The following CPNE4 variants were observed in gnomAD, a reference collection of about 807,000 sequenced individuals.
CPNE4 encodes the protein copine 4, also known as copine-4.
CPNE4 carries 25 observed loss-of-function variants against 67.9 expected under a neutral mutation model. The observed-to-expected ratio is 0.37, with a 90% CI of 0.27 to 0.51. CPNE4 has a LOEUF of 0.51. Ranked by LOEUF, CPNE4 falls within the 20% of genes least tolerant of loss-of-function variation. The pLI is 0.93. For synonymous variants in CPNE4, 242 were observed against 244.9 expected (o/e 0.99, Z 0.11); for missense variants, 464 against 690.8 (o/e 0.67, Z 3.68).
chr3:131,986,732 T>C (rs1223168957), intron 1 of CPNE4, among the ~76,000 whole-genome samples: 3 of 148,164 alleles, frequency 2.0e-5, no homozygotes, highest in Non-Finnish European at 3.0e-5. Flanking sequence ...CAGTCTCTAC[T>C]AAAAATATAA....
chr3:131,854,796 C>CCCT (rs1014908960), intron 2 of CPNE4, among the ~76,000 whole-genome samples: 4 of 151,000 alleles, frequency 2.6e-5, no homozygotes, highest in African/African-American at 4.9e-5. Flanking sequence ...TTACTCCCCA[C>CCCT]CCTCCTCCTC....
At chr3:131,911,567 G>GTGTT (rs1210378538) in intron 1 of CPNE4, among the ~76,000 whole-genome samples, 19 of 151,780 alleles carry the variant, frequency 1.3e-4, no homozygotes, top group African/African-American at 4.3e-4. Flanking sequence ...GTGTGTGTGT[G>GTGTT]TGTGTGTGTG....
At chr3:131,914,868 C>T (rs1043024104) in intron 1 of CPNE4, among the ~76,000 whole-genome samples, 1 of 152,024 alleles carries the variant, frequency 6.6e-6, no homozygotes, top group Non-Finnish European at 1.5e-5. Context: ...CCCAGCTACT[C>T]AGGGGGCTGA....
chr3:131,820,476 G>C (rs1440109319), intron 2 of CPNE4, among the ~76,000 whole-genome samples: 1 of 152,212 alleles, frequency 6.6e-6, no homozygotes, highest in Non-Finnish European at 1.5e-5. Context: ...TCCTTGCAGG[G>C]GCTGCCAGTT....
intron 7 of CPNE4, among the ~76,000 whole-genome samples, chr3:131,650,744 C>CAAAAAAAAAAAAAAAAAAAAAA (rs141219633): frequency 1.6e-5 from 1 of 61,196 alleles, no homozygotes; most frequent in Non-Finnish European, 2.6e-5. Flanking sequence ...GACTCCGTCT[C>CAAAAAAAAAAAAAAAAAAAAAA]AAAAAAAAAA....
intron 4 of CPNE4, among the ~76,000 whole-genome samples, chr3:131,699,214 C>T (rs1454580624): frequency 1.3e-5 from 2 of 152,180 alleles, no homozygotes; most frequent in Non-Finnish European, 2.9e-5. Flanking sequence ...TCTAGCATTA[C>T]CCAATAGAAC....
intron 2 of CPNE4, among the ~76,000 whole-genome samples, chr3:131,851,562 T>C (rs1440988793): frequency 6.6e-6 from 1 of 152,012 alleles, no homozygotes; most frequent in Admixed American, 6.6e-5. Flanking sequence ...CAGACCGGTG[T>C]AACAAATTTT....
At chr3:131,887,478 G>A (rs2087943129) in intron 2 of CPNE4, among the ~76,000 whole-genome samples, 1 of 152,174 alleles carries the variant, frequency 6.6e-6, no homozygotes. Flanking sequence ...TCTGTAGAAT[G>A]GCAATGAAAA....
chr3:131,571,433 C>T (rs1937331572), intron 10 of CPNE4, among the ~76,000 whole-genome samples: 1 of 152,048 alleles, frequency 6.6e-6, no homozygotes, highest in South Asian at 2.1e-4. Context: ...CACTGGGATA[C>T]CTGAAAGTAC....
intron 1 of CPNE4, among the ~76,000 whole-genome samples, chr3:131,919,251 A>G (rs1030056934): frequency 1.3e-5 from 2 of 152,196 alleles, no homozygotes; most frequent in Admixed American, 1.3e-4. Flanking sequence ...TGCCAGCTGG[A>G]TAGATTTCTT....
intron 1 of CPNE4, among the ~76,000 whole-genome samples, chr3:132,001,626 GGAA>G (rs1362390314): frequency 1.4e-5 from 2 of 143,874 alleles, no homozygotes; most frequent in African/African-American, 5.1e-5. Flanking sequence ...AAAATGAAGA[GGAA>G]GAGGAGAAAA....
chr3:131,553,923 C>T (rs1213966336), intron 12 of CPNE4, among the ~76,000 whole-genome samples: 1 of 152,036 alleles, frequency 6.6e-6, no homozygotes, highest in Admixed American at 6.6e-5. Context: ...CCTATTGAAA[C>T]AAGAATAACC....
In CPNE4 at chr3:131,863,435, C is replaced by T. The variant is rs540729938; in HGVS notation, c.180+41829G>A. Among the ~76,000 whole-genome samples, 13 of 152,308 alleles carry T rather than the reference C, an allele frequency of 8.5e-5. No individual in the cohort carries two copies. In the East Asian group the frequency reaches 1.7e-3, roughly 20 times the overall value. On this transcript the variant is annotated intron_variant, in intron 2 of 15. Transcript: ENST00000429747. ...ATGAGATGGTATCTCACTATGGTTT[C>T]GATTTGCATTTCTCTGATGGCCAGT...
At chr3:131,879,920 CT>C (rs1171331354) in intron 2 of CPNE4, among the ~76,000 whole-genome samples, 1 of 152,090 alleles carries the variant, frequency 6.6e-6, no homozygotes, top group African/African-American at 2.4e-5. Context: ...GTAATATCTT[CT>C]CTATAAAAAT....
At chr3:131,637,879 T>G (rs1157544000) in intron 7 of CPNE4, among the ~76,000 whole-genome samples, 2 of 152,094 alleles carry the variant, frequency 1.3e-5, no homozygotes, top group Non-Finnish European at 2.9e-5. Context: ...GGGGTCCTAT[T>G]CTTAGCCTCC....
intron 7 of CPNE4, among the ~76,000 whole-genome samples, chr3:131,609,984 G>C (rs2107739043): frequency 6.6e-6 from 1 of 152,274 alleles, no homozygotes; most frequent in East Asian, 1.9e-4. Flanking sequence ...CTCAGAATGA[G>C]TAAAGTAGGT....
chr3:131,874,310 A>G (rs1453811203), intron 2 of CPNE4, among the ~76,000 whole-genome samples: 2 of 152,222 alleles, frequency 1.3e-5, no homozygotes, highest in East Asian at 1.9e-4. Context: ...GGATGGTTTC[A>G]ATCTCCTGAC....
chr3:131,744,176 G>A (rs2082430259), intron 2 of CPNE4, among the ~76,000 whole-genome samples: 1 of 151,596 alleles, frequency 6.6e-6, no homozygotes. Context: ...AAAGAACCAA[G>A]ACACTCAAAT....
chr3:131,574,428 C>T (rs1205451655), intron 10 of CPNE4, among the ~76,000 whole-genome samples: 1 of 152,112 alleles, frequency 6.6e-6, no homozygotes, highest in African/African-American at 2.4e-5. Context: ...TTTAAAAAGA[C>T]TCAGCCTACC....
Sources: gnomAD v4.1 joint callset for allele counts (sites outside exome capture counted in the v4.1 genomes callset) on GRCh38, gnomAD v4.1.1 for gene constraint, MANE v1.5 for transcripts, NCBI Gene and HGNC (gene_info 2026-07-23, HGNC 2026-07-21) for gene names.